The following LSM14B variants were observed in gnomAD, a reference collection of about 807,000 sequenced individuals.
LSM14B encodes the protein LSM family member 14B.
LSM14B carries 8 observed loss-of-function variants against 42.1 expected under a neutral mutation model. The observed-to-expected ratio is 0.19, with a 90% confidence interval of 0.11 to 0.34. LSM14B has a LOEUF of 0.34. Among genes scored for constraint, LSM14B ranks in the 10% least tolerant of loss-of-function variants. LSM14B has a pLI of 1.00. For synonymous variants in LSM14B, 219 were observed against 209.7 expected, an observed-to-expected ratio of 1.04 and a Z score of -0.38; for missense variants, 396 against 513.1, an observed-to-expected ratio of 0.77 and a Z score of 2.21.
intron 7 of LSM14B, among the ~76,000 whole-genome samples, chr20:62,132,757 G>A (rs929030644): frequency 6.6e-6 from 1 of 152,190 alleles, no homozygotes; most frequent in Non-Finnish European, 1.5e-5. Context: ...GGAGTGCTGG[G>A]TGGGAGTGCT....
intron 2 of LSM14B, among the ~76,000 whole-genome samples, chr20:62,125,053 G>C (rs995946216): frequency 6.6e-6 from 1 of 152,066 alleles, no homozygotes; most frequent in Non-Finnish European, 1.5e-5. Flanking sequence ...GCTAATTTTT[G>C]TAATTTTAGT....
chr20:62,123,962 C>G (rs1217776748), intron 1 of LSM14B, among the ~76,000 whole-genome samples: 5 of 152,192 alleles, frequency 3.3e-5, no homozygotes, highest in Non-Finnish European at 7.3e-5. Context: ...TGTGTCTTAC[C>G]AGTTAGAGGC....
intron 7 of LSM14B, among the ~76,000 whole-genome samples, chr20:62,132,178 A>G (rs1273672110): frequency 6.6e-6 from 1 of 152,230 alleles, no homozygotes; most frequent in East Asian, 1.9e-4. Flanking sequence ...CGTGAAGGCC[A>G]GGCAGTGAGG....
intron 1 of LSM14B, among the ~76,000 whole-genome samples, chr20:62,123,786 A>G (rs1292276411): frequency 6.6e-6 from 1 of 152,198 alleles, no homozygotes; most frequent in Non-Finnish European, 1.5e-5. Flanking sequence ...CATTCCAAAC[A>G]GGGAGTGTCT....
In LSM14B at chr20:62,130,006, C is replaced by T; in HGVS notation, c.595+54C>T. ...TGCTTGATGTTCTAAAAGTGGCACACTACTTCCTGGGCTATTTTTTTTTTT... is the reference window on the plus strand; with the variant it reads ...TGCTTGATGTTCTAAAAGTGGCACATTACTTCCTGGGCTATTTTTTTTTTT... On this transcript the variant is annotated intron_variant, in intron 4 of 8. Coordinates refer to ENST00000279068, the MANE Select transcript of LSM14B (RefSeq NM_144703.3). The surrounding 1 kb of genome is among the most constrained non-coding windows in gnomAD (Gnocchi z 4.1). 1.3e-5 allele frequency: 20 copies of T among 1,525,554 alleles called. No individual in the cohort carries two copies. In the South Asian group the frequency reaches 2.5e-4, roughly 19 times the overall value. The allele number at this position is 1,525,554 out of a possible 1,614,324, so 94.5% of individuals were successfully genotyped here.
intron 2 of LSM14B, 44 bp downstream of exon 2, chr20:62,124,824 G>A (rs767157637): frequency 1.0e-5 from 16 of 1,561,720 alleles, no homozygotes; most frequent in Non-Finnish European, 1.4e-5. Flanking sequence ...AGGAGATGCT[G>A]GTTTCCATTT....
In LSM14B at chr20:62,135,369, T is replaced by G; in HGVS notation, c.*1221T>G. ...TAATTATAAATAAACATGCAAACCTTTAAAATTTTCTTTTCTGATGCTCTA... is the reference window on the plus strand; with the variant it reads ...TAATTATAAATAAACATGCAAACCTGTAAAATTTTCTTTTCTGATGCTCTA... On this transcript the variant is annotated 3_prime_UTR_variant, in exon 9 of 9. Transcript: ENST00000279068. 6.6e-6 allele frequency: 1 copy of G among 152,202 alleles called. No homozygotes were observed. Among genetic ancestry groups the G allele is most frequent in the Non-Finnish European group, 1.5e-5 (1 of 68,046 alleles). The allele number at this position is 152,202 out of a possible 1,614,324, so 9.4% of individuals were successfully genotyped here.
chr20:62,126,346 G>A lies in LSM14B; in HGVS notation c.334G>A (p.Val112Met), dbSNP rs888783071. Residue 112 changes from valine to methionine, a missense_variant, in exon 3 of 9, where the codon GTG becomes ATG. Around this residue, in one of 3 missense-constraint regions of LSM14B, gnomAD observed 274 missense variants for 335.8 expected, o/e 0.82. Coordinates refer to ENST00000279068, the MANE Select transcript of LSM14B (RefSeq NM_144703.3). The part of the protein sequence containing the change: ...SASASPFQPH[V>M]PYSPFRGMAP... Reference sequence around the variant, plus strand: ...CTCCGCCTCGCCCTTCCAGCCGCACGTGCCTTACAGCCCTTTCCGAGGGAT... The same window carrying A: ...CTCCGCCTCGCCCTTCCAGCCGCACATGCCTTACAGCCCTTTCCGAGGGAT... The A allele has an allele frequency of 4.3e-6, 7 of 1,613,570 alleles. No homozygotes were observed. Among genetic ancestry groups the A allele is most frequent in the East Asian group, 4.5e-5 (2 of 44,906 alleles).
Position 62,130,340 on chromosome 20 carries a change from A to T in LSM14B, c.673+44A>T, listed in dbSNP as rs1454336492. The stretch of plus-strand genomic sequence containing the variant: ...TGATTTCTGGGGACCACGAGTGATC[A>T]GGCTGAGCTCTGCTTGCCCTCCTGC... On this transcript the variant is annotated intron_variant, in intron 5 of 8. Coordinates refer to ENST00000279068, the MANE Select transcript of LSM14B (RefSeq NM_144703.3). The surrounding 1 kb of genome is among the most constrained non-coding windows in gnomAD (Gnocchi z 4.1). The T allele has an allele frequency of 7.1e-6, 11 of 1,559,886 alleles. No homozygotes were observed. Among genetic ancestry groups the T allele is most frequent in the Non-Finnish European group, 8.7e-6 (10 of 1,150,992 alleles).
At chr20:62,132,622 G>A (rs2056798449) in intron 7 of LSM14B, among the ~76,000 whole-genome samples, 1 of 152,192 alleles carries the variant, frequency 6.6e-6, no homozygotes, top group Admixed American at 6.5e-5. Flanking sequence ...TAAGTCTTTT[G>A]GCCTGGGCGG....
rs1011950061 is a variant in LSM14B, at chr20:62,133,441, G to T, written c.1138G>T (p.Ala380Ser). ...CCGTCGCAACCCCACTTCCCACAGG[G>T]CCGGGACTGGCAGGGTGTGAGGGTG... ...TTRRNPTSHR[A>S]GTGRV The change falls in exon 8 of 9, where the codon GCC becomes TCC. Residue 380 changes from alanine to serine, a missense_variant. Coordinates refer to ENST00000279068, the MANE Select transcript of LSM14B (RefSeq NM_144703.3). The T allele has an allele frequency of 2.5e-6, 4 of 1,612,806 alleles. No homozygotes were observed. The Admixed American group carries it at 5.0e-5, about 20-fold the overall frequency.
In LSM14B at chr20:62,126,425, C is replaced by T; in HGVS notation, c.413C>T (p.Ala138Val). The T allele has an allele frequency of 6.2e-7, 1 of 1,609,630 alleles. No homozygotes were observed. Among genetic ancestry groups the T allele is most frequent in the Non-Finnish European group, 8.5e-7 (1 of 1,179,798 alleles). Residue 138 changes from alanine (A) to valine (V), a missense_variant, in exon 3 of 9, where the codon GCC becomes GTC. Physicochemically the swap from Ala to Val is moderately conservative, Grantham distance 64 (BLOSUM62 0). Around this residue, in one of 3 missense-constraint regions of LSM14B, gnomAD observed 274 missense variants for 335.8 expected, o/e 0.82. Coordinates refer to ENST00000279068, the MANE Select transcript of LSM14B (RefSeq NM_144703.3). Reference protein sequence around the residue: ...ASSLLSQQYAASLGLGAGFPS... With the variant: ...ASSLLSQQYAVSLGLGAGFPS... ...TCCCTGCTCAGCCAGCAGTATGCCG[C>T]CTCCCTGGGTCTAGGTGAGTGACCT...
In LSM14B at chr20:62,122,499, C is replaced by G. The variant is rs372617110; in HGVS notation, c.-168C>G. The stretch of plus-strand genomic sequence containing the variant: ...CAGTCGCGCGCCCCTTCTTGGTTCG[C>G]TCGGTGCCCGCGCAGGCCCCTCGGG... On this transcript the variant is annotated 5_prime_UTR_variant, in exon 1 of 9. Coordinates refer to ENST00000279068, the MANE Select transcript of LSM14B (RefSeq NM_144703.3). This position sits in a 1 kb window ranked among gnomAD's most constrained non-coding sequence, Gnocchi z 4.6. The G allele has an allele frequency of 2.7e-4, 95 of 354,782 alleles. 1 individual carries two copies. The East Asian group carries it at 0.013, about 50-fold the overall frequency. 22.0% of individuals were successfully genotyped at this position (354,782 alleles called of 1,614,324 possible).
rs2056427402 is a variant in LSM14B at position 62,122,477 on chromosome 20, T to C, written c.-190T>C. 1 of 224,032 alleles carries C rather than the reference T, an allele frequency of 4.5e-6. No individual in the cohort carries two copies. Among genetic ancestry groups the C allele is most frequent in the South Asian group, 1.5e-4 (1 of 6,642 alleles). 13.9% of individuals were successfully genotyped at this position (224,032 alleles called of 1,614,324 possible). On this transcript the variant is annotated 5_prime_UTR_variant, in exon 1 of 9. Coordinates refer to ENST00000279068, the MANE Select transcript of LSM14B (RefSeq NM_144703.3). This position sits in a 1 kb window ranked among gnomAD's most constrained non-coding sequence, Gnocchi z 4.6. ...CCCCGCGCTCCTCTCAGAGCCCCAG[T>C]CGCGCGCCCCTTCTTGGTTCGCTCG...
chr20:62,124,572 A>G, intron 1 of LSM14B, 45 bp from the exon 2 acceptor site: 1 of 1,591,568 alleles, frequency 6.3e-7, no homozygotes, highest in East Asian at 2.2e-5. Context: ...GGTTGATTGA[A>G]CTGGCTGAGG....
chr20:62,128,914 C>T (rs1459090810), intron 3 of LSM14B: 3 of 1,287,972 alleles, frequency 2.3e-6, no homozygotes, highest in Non-Finnish European at 3.1e-6. Flanking sequence ...TAATAATTAC[C>T]CTGTGGTTAG....
At chr20:62,126,499 C>T (rs1216526443) in intron 3 of LSM14B, 60 bp downstream of exon 3, 39 of 1,578,524 alleles carry the variant, frequency 2.5e-5, no homozygotes, top group East Asian at 1.8e-4. Flanking sequence ...CTGAGTGGAG[C>T]GATGGAGCCT....
chr20:62,134,464 TAC>T lies in LSM14B; in HGVS notation c.*317_*318del. The T allele has an allele frequency of 7.6e-6, 2 of 263,266 alleles. No homozygotes were observed. Among genetic ancestry groups the T allele is most frequent in the Non-Finnish European group, 7.6e-6 (1 of 131,186 alleles). 16.3% of individuals were successfully genotyped at this position (263,266 alleles called of 1,614,324 possible). A position where few individuals can be genotyped will look rare whatever the true frequency, so the allele number is the denominator to read the frequency against. ...GTTTCTATAGTGAAAGCTGAATCCT[TAC>T]TTTGTGACTTTTTTTTTTTTTTTTA... On this transcript the variant is annotated 3_prime_UTR_variant, in exon 9 of 9. Transcript: ENST00000279068.
At chr20:62,128,754 A>T (rs2056677982) in intron 3 of LSM14B, among the ~76,000 whole-genome samples, 2 of 152,172 alleles carry the variant, frequency 1.3e-5, no homozygotes, top group South Asian at 4.1e-4. Flanking sequence ...CCAGACCTCT[A>T]TGCAGAGTCG....
Sources: gnomAD v4.1 joint callset for allele counts (sites outside exome capture counted in the v4.1 genomes callset) on GRCh38, gnomAD v4.1.1 for gene constraint, gnomAD v4.1.1 regional missense constraint, Gnocchi (gnomAD v3.1) non-coding constraint, MANE v1.5 for transcripts, NCBI Gene and HGNC (gene_info 2026-07-23, HGNC 2026-07-21) for gene names.